Variants in DYNC1I2 observed in about 807,000 individuals in gnomAD.
The protein encoded by DYNC1I2 is cytoplasmic dynein 1 intermediate chain 2.
DYNC1I2 carries 53 observed loss-of-function variants against 88.6 expected under a neutral mutation model. The observed-to-expected ratio is 0.60, with a 90% CI of 0.48 to 0.75. DYNC1I2 has a LOEUF of 0.75. Among genes scored for constraint, DYNC1I2 ranks in the 30% least tolerant of loss-of-function variants. The pLI is 0.00. For synonymous variants in DYNC1I2, 198 were observed against 254.6 expected (o/e 0.78, Z 2.12); for missense variants, 458 against 766.6 (o/e 0.60, Z 4.75).
chr2:171,689,330 A>G (rs1685208147), intron 1 of DYNC1I2, among the ~76,000 whole-genome samples: 1 of 152,220 alleles, frequency 6.6e-6, no homozygotes, highest in East Asian at 1.9e-4. Flanking sequence ...TTTGATAGCT[A>G]ATGATGGTAA....
chr2:171,744,023 G>A, intron 15 of DYNC1I2, 26 bp from the exon 16 acceptor site: 1 of 1,599,466 alleles, frequency 6.3e-7, no homozygotes, highest in Non-Finnish European at 8.5e-7. Flanking sequence ...TATGGACTGT[G>A]CTAAGAATCA....
intron 3 of DYNC1I2, among the ~76,000 whole-genome samples, chr2:171,700,736 A>G (rs7574711): frequency 0.19 from 28,146 of 151,974 alleles, 3,770 homozygotes; most frequent in African/African-American, 0.37. Flanking sequence ...GGTTCCCGCC[A>G]TTCTCCTGCC....
intron 5 of DYNC1I2, among the ~76,000 whole-genome samples, chr2:171,708,875 T>A (rs1456725289): frequency 6.6e-6 from 1 of 151,986 alleles, no homozygotes; most frequent in African/African-American, 2.4e-5. Flanking sequence ...GTATTTTTTA[T>A]AGAGACAGGG....
chr2:171,745,854 G>A lies in DYNC1I2; in HGVS notation c.1730G>A (p.Arg577Lys). The change falls in exon 17 of 18, where the codon AGA (arginine) becomes AAA (lysine). Residue 577 changes from arginine (R) to lysine (K), a missense_variant. Physicochemically the swap from Arg to Lys is conservative, Grantham distance 26 (BLOSUM62 2). Around this residue, in one of 5 missense-constraint regions of DYNC1I2, gnomAD observed 188 missense variants for 300.4 expected, o/e 0.63. Transcript: ENST00000397119. Reference protein sequence around the residue: ...VEGNPALNRVRWTHSGREIAV... With the variant: ...VEGNPALNRVKWTHSGREIAV... Reference sequence around the variant, plus strand: ...GGTAATCCTGCTCTTAATCGTGTGAGATGGACCCATTCTGGCAGAGAGATT... The same window carrying A: ...GGTAATCCTGCTCTTAATCGTGTGAAATGGACCCATTCTGGCAGAGAGATT... 1.2e-6 allele frequency: 2 copies of A among 1,613,918 alleles called. No individual in the cohort carries two copies. Among genetic ancestry groups the A allele is most frequent in the Non-Finnish European group, 8.5e-7 (1 of 1,179,816 alleles).
intron 11 of DYNC1I2, 103 bp from the exon 12 acceptor site, chr2:171,727,718 C>T: frequency 9.6e-7 from 1 of 1,045,262 alleles, no homozygotes; most frequent in Non-Finnish European, 1.4e-6. Context: ...CCTCTAATAC[C>T]ATACAATGAA....
intron 5 of DYNC1I2, among the ~76,000 whole-genome samples, chr2:171,711,656 C>T (rs555573317): frequency 6.6e-6 from 1 of 152,252 alleles, no homozygotes; most frequent in Admixed American, 6.5e-5. Context: ...TACACATAAC[C>T]TTGTTTAAAT....
intron 15 of DYNC1I2, among the ~76,000 whole-genome samples, chr2:171,730,115 C>T (rs749483301): frequency 4.6e-5 from 7 of 152,168 alleles, no homozygotes; most frequent in Non-Finnish European, 8.8e-5. Flanking sequence ...TAACTGTTTA[C>T]CCTGAACTGC....
intron 6 of DYNC1I2, 80 bp downstream of exon 6, chr2:171,712,906 A>G (rs1436606580): frequency 1.6e-6 from 2 of 1,251,766 alleles, no homozygotes; most frequent in African/African-American, 1.5e-5. Flanking sequence ...TATTTTGCTT[A>G]AGTTTATAAT....
rs1209861811 is a variant in DYNC1I2 at position 171,750,111 on chromosome 2, A to G, written c.*2222A>G. Among the ~76,000 whole-genome samples the G allele has an allele frequency of 1.3e-5, 2 of 152,208 alleles. No homozygotes were observed. The highest frequency in any genetic ancestry group is 2.9e-5 in the Non-Finnish European group (2 of 68,032). On this transcript the variant is annotated 3_prime_UTR_variant, in exon 18 of 18. Coordinates refer to ENST00000397119, the MANE Select transcript of DYNC1I2 (RefSeq NM_001378.3). ...GTTTATTACCTTCATGTTAAGGAAT[A>G]TCCAGCTTCACAGACAATTAACTTG...
At chr2:171,689,539 G>T (rs781305112) in intron 1 of DYNC1I2, among the ~76,000 whole-genome samples, 11 of 151,994 alleles carry the variant, frequency 7.2e-5, no homozygotes, top group Admixed American at 6.6e-4. Context: ...TTTATCTTGG[G>T]TACCTAATAT....
At chr2:171,738,867 G>C (rs538916647) in intron 15 of DYNC1I2, among the ~76,000 whole-genome samples, 4 of 151,892 alleles carry the variant, frequency 2.6e-5, no homozygotes, top group African/African-American at 9.7e-5. Context: ...CCACCTTCTC[G>C]GCCAGGCATG....
intron 15 of DYNC1I2, among the ~76,000 whole-genome samples, chr2:171,734,883 G>A (rs1238940765): frequency 6.6e-6 from 1 of 152,176 alleles, no homozygotes; most frequent in Non-Finnish European, 1.5e-5. Context: ...AATTAATAAT[G>A]AATGGTAAAG....
intron 15 of DYNC1I2, among the ~76,000 whole-genome samples, chr2:171,737,889 C>G (rs1324366485): frequency 6.6e-6 from 1 of 151,762 alleles, no homozygotes; most frequent in African/African-American, 2.4e-5. Context: ...GTTTGTTGTA[C>G]AGATTATTCC....
intron 2 of DYNC1I2, among the ~76,000 whole-genome samples, chr2:171,692,016 A>G (rs1685435756): frequency 1.3e-5 from 2 of 152,158 alleles, no homozygotes; most frequent in Non-Finnish European, 2.9e-5. Flanking sequence ...ATAGAATATT[A>G]TGGCTAACAA....
At chr2:171,740,988 A>C (rs1034093347) in intron 15 of DYNC1I2, among the ~76,000 whole-genome samples, 1 of 152,176 alleles carries the variant, frequency 6.6e-6, no homozygotes, top group African/African-American at 2.4e-5. Context: ...CCTGGAAACC[A>C]CTAATCAATC....
intron 16 of DYNC1I2, 119 bp downstream of exon 16, chr2:171,744,308 T>C (rs1689643552): frequency 2.7e-6 from 3 of 1,098,562 alleles, no homozygotes; most frequent in Non-Finnish European, 3.8e-6. Context: ...TGTAGATTCA[T>C]CACAAAGAAC....
intron 3 of DYNC1I2, among the ~76,000 whole-genome samples, chr2:171,705,769 C>G (rs138018933): frequency 6.6e-6 from 1 of 152,160 alleles, no homozygotes; most frequent in Non-Finnish European, 1.5e-5. Flanking sequence ...CACAGTGCCA[C>G]CTACATGTAA....
intron 7 of DYNC1I2, among the ~76,000 whole-genome samples, chr2:171,724,499 T>G (rs1688109002): frequency 6.6e-6 from 1 of 152,204 alleles, no homozygotes; most frequent in Admixed American, 6.5e-5. Context: ...ATCCCAGCAG[T>G]GCCATCTGGT....
intron 16 of DYNC1I2, among the ~76,000 whole-genome samples, chr2:171,744,498 G>A (rs1410975967): frequency 6.6e-6 from 1 of 152,198 alleles, no homozygotes; most frequent in East Asian, 1.9e-4. Context: ...TCATAAGCTA[G>A]AAAGCAGATA....
Sources: allele counts gnomAD v4.1 joint callset (sites outside exome capture counted in the v4.1 genomes callset), GRCh38; gene constraint gnomAD v4.1.1; regional missense constraint gnomAD v4.1.1; transcripts MANE v1.5; gene names NCBI Gene and HGNC (gene_info 2026-07-23, HGNC 2026-07-21).